Variants in KCNIP4 observed in about 807,000 individuals in gnomAD.
The protein encoded by KCNIP4 is potassium voltage-gated channel interacting protein 4, also known as Kv channel-interacting protein 4.
In KCNIP4, 12 loss-of-function variants were observed where a neutral mutation model predicts 34.0. The ratio of observed to expected loss-of-function variants is 0.35; its 90% CI spans 0.23 to 0.57. The LOEUF (loss-of-function observed/expected upper bound fraction) is 0.57, where lower values mean the gene tolerates loss of function less well. KCNIP4 is among the 20% of genes least tolerant of loss of function. The pLI, the probability that KCNIP4 is intolerant of heterozygous loss-of-function variation, is 0.83. For synonymous variants in KCNIP4, 124 were observed against 102.2 expected, an observed-to-expected ratio of 1.21 and a Z score of -1.29; for missense variants, 238 against 311.7, an observed-to-expected ratio of 0.76 and a Z score of 1.78.
chr4:20,947,517 G>A (rs1349948764), intron 1 of KCNIP4, among the ~76,000 whole-genome samples: 1 of 152,128 alleles, frequency 6.6e-6, no homozygotes, highest in Non-Finnish European at 1.5e-5. Context: ...CTCAGCTAGA[G>A]GTAAGCTCCT....
intron 1 of KCNIP4, among the ~76,000 whole-genome samples, chr4:21,176,401 T>C (rs186724678): frequency 2.0e-3 from 305 of 152,240 alleles, no homozygotes; most frequent in African/African-American, 6.5e-3. Context: ...AATAAATAAA[T>C]AAAATAAATT....
chr4:21,496,250 G>A (rs1732840955), intron 1 of KCNIP4, among the ~76,000 whole-genome samples: 1 of 152,100 alleles, frequency 6.6e-6, no homozygotes, highest in Non-Finnish European at 1.5e-5. Flanking sequence ...GAAAACCTGA[G>A]TGCTAGAGCT....
chr4:21,533,238 A>G (rs1736853957), intron 1 of KCNIP4, among the ~76,000 whole-genome samples: 1 of 152,148 alleles, frequency 6.6e-6, no homozygotes, highest in Non-Finnish European at 1.5e-5. Flanking sequence ...TTAAACTGTT[A>G]GAATTTTCAT....
At chr4:21,125,000 C>T (rs143611466) in intron 1 of KCNIP4, among the ~76,000 whole-genome samples, 2,806 of 150,926 alleles carry the variant, frequency 0.019, 53 homozygotes, top group Non-Finnish European at 0.026. Flanking sequence ...TGAAGTCAGC[C>T]CCACTTGGAG....
At chr4:21,209,903 A>C (rs76593857) in intron 1 of KCNIP4, among the ~76,000 whole-genome samples, 4,400 of 152,280 alleles carry the variant, frequency 0.029, 209 homozygotes, top group African/African-American at 0.1. Context: ...AAGTTCAATA[A>C]TTATTCACTT....
intron 1 of KCNIP4, among the ~76,000 whole-genome samples, chr4:21,168,387 C>T (rs1753787817): frequency 6.6e-6 from 1 of 152,068 alleles, no homozygotes; most frequent in African/African-American, 2.4e-5. Flanking sequence ...AACTTGATGG[C>T]CATAGTTTCC....
chr4:21,071,916 GT>G (rs1744975423), intron 1 of KCNIP4, among the ~76,000 whole-genome samples: 1 of 152,148 alleles, frequency 6.6e-6, no homozygotes. Flanking sequence ...CCTTGCGATA[GT>G]TTGCTGAGAA....
At chr4:21,298,965 C>T (rs186717272) in intron 1 of KCNIP4, among the ~76,000 whole-genome samples, 27 of 152,146 alleles carry the variant, frequency 1.8e-4, no homozygotes, top group Admixed American at 6.5e-4. Flanking sequence ...TAATAAGATA[C>T]GGAGTCTGAT....
At chr4:21,173,279 A>G (rs1246569257) in intron 1 of KCNIP4, among the ~76,000 whole-genome samples, 1 of 152,112 alleles carries the variant, frequency 6.6e-6, no homozygotes, top group East Asian at 1.9e-4. Context: ...AAAAAAAACC[A>G]CTTTGTAAAT....
intron 1 of KCNIP4, among the ~76,000 whole-genome samples, chr4:21,138,505 G>T (rs187682270): frequency 1.3e-5 from 2 of 149,458 alleles, no homozygotes; most frequent in African/African-American, 5.0e-5. Context: ...TTGCACAAAG[G>T]TAAGGCACTT....
intron 1 of KCNIP4, among the ~76,000 whole-genome samples, chr4:21,904,492 T>C (rs1727882128): frequency 6.6e-6 from 1 of 152,202 alleles, no homozygotes; most frequent in African/African-American, 2.4e-5. Context: ...TCAGTTGGCA[T>C]ACATTTTCAA....
chr4:21,786,415 T>C lies in KCNIP4; in HGVS notation c.61+162156A>G, dbSNP rs530253393. On this transcript the variant is annotated intron_variant, in intron 1 of 8. Transcript: ENST00000382152. ...CTCTCTCCATTTTTGCCAACACCTG[T>C]TATAATCTGATCAGTCATTTTATTA... is the stretch of plus-strand genomic sequence containing the variant. Among the ~76,000 whole-genome samples, 5 of 152,360 alleles carry C rather than the reference T, an allele frequency of 3.3e-5. No homozygotes were observed. In the South Asian group the frequency reaches 1.0e-3, roughly 32 times the overall value.
chr4:21,835,727 A>G (rs1723279307), intron 1 of KCNIP4, among the ~76,000 whole-genome samples: 1 of 152,130 alleles, frequency 6.6e-6, no homozygotes, highest in African/African-American at 2.4e-5. Flanking sequence ...ATGTATATGT[A>G]TCAGGGGCCA....
At chr4:21,908,181 T>C (rs924143817) in intron 1 of KCNIP4, among the ~76,000 whole-genome samples, 10 of 152,200 alleles carry the variant, frequency 6.6e-5, no homozygotes, top group African/African-American at 2.4e-4. Flanking sequence ...AAAAGAGTCA[T>C]ATATCCTTTG....
At chr4:21,737,526 ACAT>A (rs1169565684) in intron 1 of KCNIP4, among the ~76,000 whole-genome samples, 1 of 152,160 alleles carries the variant, frequency 6.6e-6, no homozygotes, top group Non-Finnish European at 1.5e-5. Context: ...CTAAAATATA[ACAT>A]CATTTATTAA....
At chr4:21,773,185 T>G (rs1011944594) in intron 1 of KCNIP4, among the ~76,000 whole-genome samples, 1 of 152,202 alleles carries the variant, frequency 6.6e-6, no homozygotes. Flanking sequence ...CCAGGAGTCA[T>G]TCAAGAGCAG....
intron 1 of KCNIP4, among the ~76,000 whole-genome samples, chr4:21,068,102 A>T (rs1744569649): frequency 6.6e-6 from 1 of 152,276 alleles, no homozygotes; most frequent in African/African-American, 2.4e-5. Flanking sequence ...CCAGTGACTC[A>T]TGCCAAGAAT....
At chr4:20,778,198 C>T (rs1756546243) in intron 3 of KCNIP4, among the ~76,000 whole-genome samples, 1 of 152,150 alleles carries the variant, frequency 6.6e-6, no homozygotes, top group African/African-American at 2.4e-5. Context: ...CTAGTCTCCA[C>T]TACTCACACT....
chr4:21,631,057 C>A (rs982807264), intron 1 of KCNIP4, among the ~76,000 whole-genome samples: 1 of 152,118 alleles, frequency 6.6e-6, no homozygotes, highest in African/African-American at 2.4e-5. Context: ...TCACTATATT[C>A]GGTAAGGAAA....
Sources: gnomAD v4.1 joint callset for allele counts (sites outside exome capture counted in the v4.1 genomes callset) on GRCh38, gnomAD v4.1.1 for gene constraint, MANE v1.5 for transcripts, NCBI Gene and HGNC (gene_info 2026-07-23, HGNC 2026-07-21) for gene names.